Variants in NRXN1 observed in about 807,000 individuals in gnomAD.
The protein encoded by NRXN1 is neurexin-1.
Under a neutral mutation model 150.9 loss-of-function variants are expected in NRXN1, and 39 were observed. That is an observed-to-expected ratio of 0.26 (90% CI 0.20 to 0.34). The LOEUF (loss-of-function observed/expected upper bound fraction) is 0.34. Among genes scored for constraint, NRXN1 ranks in the 10% least tolerant of loss-of-function variants. The pLI, the probability that NRXN1 is intolerant of heterozygous loss-of-function variation, is 1.00. For synonymous variants in NRXN1, 924 were observed against 757.0 expected (o/e 1.22, Z -3.62); for missense variants, 1,815 against 1,949.9 (o/e 0.93, Z 1.30).
chr2:50,683,133 C>T (rs1349395806), intron 5 of NRXN1, among the ~76,000 whole-genome samples: 1 of 152,020 alleles, frequency 6.6e-6, no homozygotes, highest in East Asian at 1.9e-4. Flanking sequence ...CTTCCCAGAG[C>T]AGACTACTAA....
At chr2:50,469,553 T>C (rs749563507) in intron 16 of NRXN1, among the ~76,000 whole-genome samples, 3 of 151,456 alleles carry the variant, frequency 2.0e-5, no homozygotes, top group Non-Finnish European at 4.4e-5. Context: ...CATAACAATC[T>C]TTAGAAAGAG....
rs1015875101 is a variant in NRXN1, at chr2:50,528,941, G to A, written c.2348-290C>T. 3 of 326,060 alleles carry A rather than the reference G, an allele frequency of 9.2e-6. No individual in the cohort carries two copies. In the East Asian group the frequency reaches 2.0e-4, roughly 22 times the overall value. 20.2% of individuals were successfully genotyped at this position (326,060 alleles called of 1,614,324 possible). A position where few individuals can be genotyped will look rare whatever the true frequency, so the allele number is the denominator to read the frequency against. ...ATGTCAAAGATGTTTGGCTTAGACT[G>A]GCTGCAACTTTCTCCCCATCTGTGA... is the stretch of plus-strand genomic sequence containing the variant. On this transcript the variant is annotated intron_variant, in intron 11 of 22. Coordinates refer to ENST00000401669, the MANE Select transcript of NRXN1 (RefSeq NM_001330078.2).
intron 5 of NRXN1, among the ~76,000 whole-genome samples, chr2:50,767,603 G>C (rs1197833470): frequency 4.6e-5 from 7 of 151,978 alleles, no homozygotes; most frequent in Non-Finnish European, 1.0e-4. Flanking sequence ...TCCTTGAGAA[G>C]GTCATAGTCA....
chr2:50,196,633 T>C (rs1020126533), intron 18 of NRXN1, among the ~76,000 whole-genome samples: 3 of 152,174 alleles, frequency 2.0e-5, no homozygotes, highest in African/African-American at 7.2e-5. Context: ...ACATGTCCCA[T>C]AGATAACATA....
chr2:50,979,949 C>T (rs575855895), intron 2 of NRXN1, among the ~76,000 whole-genome samples: 9 of 152,152 alleles, frequency 5.9e-5, no homozygotes, highest in East Asian at 5.8e-4. Flanking sequence ...AGTAATATCA[C>T]GTTTGTTCTC....
intron 18 of NRXN1, among the ~76,000 whole-genome samples, chr2:50,218,487 C>T (rs1456689416): frequency 7.8e-6 from 1 of 128,530 alleles, no homozygotes; most frequent in Middle Eastern, 3.8e-3. Context: ...AAGTTAGCAC[C>T]TTCTTTTTTT....
chr2:50,080,492 T>A lies in NRXN1; in HGVS notation c.3718+10831A>T, dbSNP rs111492838. 1.5e-3 allele frequency among the ~76,000 whole-genome samples: 227 copies of A among 152,232 alleles called. 2 individuals carry two copies. The highest frequency in any genetic ancestry group is 3.8e-3 in the African/African-American group (157 of 41,542). ...GATGTTATATTGATAGCAATTTTTA[T>A]CTTTATGATATTGGACACAGTTATT... On this transcript the variant is annotated intron_variant, in intron 19 of 22. Coordinates refer to ENST00000401669, the MANE Select transcript of NRXN1 (RefSeq NM_001330078.2).
intron 5 of NRXN1, among the ~76,000 whole-genome samples, chr2:50,828,110 G>A (rs1294125377): frequency 1.3e-5 from 2 of 151,712 alleles, no homozygotes; most frequent in African/African-American, 2.4e-5. Flanking sequence ...CGTTCTCAAT[G>A]AGCTGTTGGG....
intron 17 of NRXN1, among the ~76,000 whole-genome samples, chr2:50,414,404 C>T (rs116609658): frequency 0.034 from 5,085 of 151,640 alleles, 285 homozygotes; most frequent in African/African-American, 0.11. Flanking sequence ...GAATATTTTT[C>T]GAAATATACC....
intron 18 of NRXN1, among the ~76,000 whole-genome samples, chr2:50,147,172 A>G (rs2058391011): frequency 6.6e-6 from 1 of 151,698 alleles, no homozygotes; most frequent in Non-Finnish European, 1.5e-5. Context: ...CATTGCAGTT[A>G]TGCAAATTTC....
intron 21 of NRXN1, among the ~76,000 whole-genome samples, chr2:50,013,898 G>C (rs1450645400): frequency 6.6e-6 from 1 of 152,090 alleles, no homozygotes; most frequent in Non-Finnish European, 1.5e-5. Flanking sequence ...CTGACAATGG[G>C]GGAGTCGGAA....
At chr2:50,092,438 G>A (rs2152698864) in intron 18 of NRXN1, among the ~76,000 whole-genome samples, 1 of 152,294 alleles carries the variant, frequency 6.6e-6, no homozygotes, top group Admixed American at 6.5e-5. Flanking sequence ...CTGTGCTGTA[G>A]GCCCTTGTCA....
chr2:49,972,473 T>C (rs1040590132), intron 21 of NRXN1, among the ~76,000 whole-genome samples: 1 of 152,246 alleles, frequency 6.6e-6, no homozygotes, highest in African/African-American at 2.4e-5. Flanking sequence ...TGAAAACTTA[T>C]TTAGGGAAAA....
At chr2:50,731,664 T>C (rs1214736199) in intron 5 of NRXN1, among the ~76,000 whole-genome samples, 2 of 152,198 alleles carry the variant, frequency 1.3e-5, no homozygotes, top group Non-Finnish European at 1.5e-5. Context: ...CTCTGATCTA[T>C]TGTGTCAGAC....
intron 18 of NRXN1, among the ~76,000 whole-genome samples, chr2:50,103,931 A>G (rs1348599940): frequency 2.0e-5 from 3 of 151,972 alleles, no homozygotes; most frequent in Non-Finnish European, 2.9e-5. Flanking sequence ...TTTCATTTCC[A>G]TAAATGTCTC....
At chr2:50,055,902 A>G (rs1279963520) in intron 19 of NRXN1, among the ~76,000 whole-genome samples, 2 of 152,186 alleles carry the variant, frequency 1.3e-5, no homozygotes, top group Non-Finnish European at 2.9e-5. Context: ...GATCTAACCT[A>G]AGTGAGAGCC....
chr2:50,964,929 G>A (rs955085981), intron 2 of NRXN1, among the ~76,000 whole-genome samples: 1 of 151,400 alleles, frequency 6.6e-6, no homozygotes, highest in Non-Finnish European at 1.5e-5. Context: ...AATTTTTGTT[G>A]AGCCTAAGTA....
intron 5 of NRXN1, among the ~76,000 whole-genome samples, chr2:50,793,613 T>C (rs1394220661): frequency 6.6e-6 from 1 of 152,096 alleles, no homozygotes; most frequent in African/African-American, 2.4e-5. Flanking sequence ...CTTTCAAAGA[T>C]ATACAGAAAG....
In NRXN1 at chr2:49,969,294, T is replaced by C. The variant is rs115887492; in HGVS notation, c.4129-25503A>G. Among the ~76,000 whole-genome samples, 1,082 of 152,134 alleles carry C rather than the reference T, an allele frequency of 7.1e-3. 12 individuals carry two copies. The highest frequency in any genetic ancestry group is 0.024 in the African/African-American group (1,005 of 41,524). On this transcript the variant is annotated intron_variant, in intron 21 of 22. Transcript: ENST00000401669. ...TAATGGAGGGATGCATGGTATATAA[T>C]TAAAACAATGATTTTGAAGCCAATG... is the stretch of plus-strand genomic sequence containing the variant.
Sources: allele counts gnomAD v4.1 joint callset (sites outside exome capture counted in the v4.1 genomes callset), GRCh38; gene constraint gnomAD v4.1.1; transcripts MANE v1.5; gene names NCBI Gene and HGNC (gene_info 2026-07-23, HGNC 2026-07-21).